Variants in MYT1 observed in about 807,000 individuals in gnomAD.
MYT1 encodes the protein myelin transcription factor 1, also known as myelin transcription factor I.
In MYT1, 23 loss-of-function variants were observed where a neutral mutation model predicts 123.0. The ratio of observed to expected loss-of-function variants is 0.19; its 90% confidence interval spans 0.13 to 0.26. The LOEUF (loss-of-function observed/expected upper bound fraction) is 0.26, where lower values mean the gene tolerates loss of function less well. Among genes scored for constraint, MYT1 ranks in the 10% least tolerant of loss-of-function variants. MYT1 has a pLI of 1.00. For synonymous variants in MYT1, 518 were observed against 575.3 expected (o/e 0.90, Z 1.43); for missense variants, 1,125 against 1,472.5 (o/e 0.76, Z 3.86).
chr20:64,197,040 C>T (rs1372167878), intron 2 of MYT1, among the ~76,000 whole-genome samples: 2 of 152,200 alleles, frequency 1.3e-5, no homozygotes, highest in Non-Finnish European at 2.9e-5. Context: ...CCCTGTGACA[C>T]CTGCTCCTCT....
rs915470582 is a variant in MYT1 at position 64,238,927 on chromosome 20, C to T, written c.3094-833C>T. ...GGCAAAGGCAAAGGGAAGGCAGGTC[C>T]CTATCCCCCATGCAACCCTTTCAAA... On this transcript the variant is annotated intron_variant, in intron 21 of 22. Coordinates refer to ENST00000328439, the MANE Select transcript of MYT1 (RefSeq NM_004535.3). 3.3e-5 allele frequency among the ~76,000 whole-genome samples: 5 copies of T among 152,232 alleles called. No homozygotes were observed. In the East Asian group the frequency reaches 7.7e-4, roughly 23 times the overall value.
intron 1 of MYT1, among the ~76,000 whole-genome samples, chr20:64,184,246 G>T (rs570768574): frequency 3.9e-5 from 6 of 152,078 alleles, no homozygotes; most frequent in Admixed American, 6.5e-5. Flanking sequence ...GAGTCGGAAA[G>T]ATTTACCGCG....
In MYT1 at chr20:64,240,380, A is replaced by T. The variant is rs748499906; in HGVS notation, c.3298A>T (p.Asn1100Tyr). ...GAGCACCCTCACCGACATGTACTCC[A>T]ACCAGGACCCGGAGAACAAGGACCT... ...YVSTLTDMYS[N>Y]QDPENKDLLE... Residue 1100 changes from asparagine (N) to tyrosine (Y), a missense_variant, in exon 23 of 23, where the codon AAC (asparagine) becomes TAC (tyrosine). Physicochemically the swap from Asn to Tyr is moderately radical, Grantham distance 143 (BLOSUM62 -2). Around this residue, in one of 4 missense-constraint regions of MYT1, gnomAD observed 243 missense variants for 323.1 expected, o/e 0.75. Transcript: ENST00000328439. 6.8e-6 allele frequency: 11 copies of T among 1,614,082 alleles called. No individual in the cohort carries two copies. The highest frequency in any genetic ancestry group is 8.5e-6 in the Non-Finnish European group (10 of 1,180,022).
At chr20:64,170,864 TATATATATATATATATATATAGAGAG>T (rs1982235478) in intron 1 of MYT1, among the ~76,000 whole-genome samples, 1 of 54,332 alleles carries the variant, frequency 1.8e-5, no homozygotes, top group Non-Finnish European at 3.3e-5. Context: ...TATATATATA[TATATATATATATATATATATAGAGAG>T]AGAGAGAGAG....
chr20:64,234,069 C>G (rs1264163849), intron 19 of MYT1, among the ~76,000 whole-genome samples: 2 of 152,194 alleles, frequency 1.3e-5, no homozygotes, highest in Non-Finnish European at 2.9e-5. Flanking sequence ...CTACTGCAGC[C>G]GGGGTCAGTT....
At chr20:64,224,374 C>T (rs1382427549) in intron 16 of MYT1, among the ~76,000 whole-genome samples, 2 of 152,178 alleles carry the variant, frequency 1.3e-5, no homozygotes, top group Non-Finnish European at 2.9e-5. Context: ...CTTCTAGGGA[C>T]CTTGGCTGGC....
At chr20:64,230,239 A>G (rs940546567) in intron 18 of MYT1, among the ~76,000 whole-genome samples, 60 of 152,240 alleles carry the variant, frequency 3.9e-4, no homozygotes, top group African/African-American at 1.4e-3. Context: ...TGGGCCGGGC[A>G]CTGTGGCTCA....
intron 21 of MYT1, among the ~76,000 whole-genome samples, chr20:64,238,111 GAA>G (rs11471444): frequency 4.0e-5 from 6 of 148,926 alleles, no homozygotes; most frequent in Admixed American, 4.0e-4. Context: ...TTTGTAATCA[GAA>G]AAAAAAAAGC....
intron 6 of MYT1, 37 bp from the exon 7 acceptor site, chr20:64,207,557 G>A (rs767377465): frequency 6.3e-7 from 1 of 1,589,014 alleles, no homozygotes; most frequent in African/African-American, 1.3e-5. Flanking sequence ...CTTCCCACGT[G>A]CTCTCTGGCC....
chr20:64,170,933 A>G (rs1468504824), intron 1 of MYT1, among the ~76,000 whole-genome samples: 3 of 129,796 alleles, frequency 2.3e-5, no homozygotes, highest in African/African-American at 8.9e-5. Context: ...AGAGAGAGAG[A>G]GACGGAGTCT....
chr20:64,219,229 C>G (rs1030156067), intron 12 of MYT1, among the ~76,000 whole-genome samples, 194 bp downstream of exon 12: 1 of 152,226 alleles, frequency 6.6e-6, no homozygotes, highest in Non-Finnish European at 1.5e-5. Context: ...ACCAGGAGAA[C>G]CTGGTGTGCT....
intron 12 of MYT1, 55 bp downstream of exon 12, chr20:64,219,090 C>G: frequency 6.5e-7 from 1 of 1,547,344 alleles, no homozygotes; most frequent in Admixed American, 1.9e-5. Context: ...GTGGAATTTG[C>G]AGTCAGGCCC....
Position 64,208,580 on chromosome 20 carries a change from G to A in MYT1, c.1291+93G>A, listed in dbSNP as rs1468809986. The A allele has an allele frequency of 6.8e-7, 1 of 1,473,716 alleles. No homozygotes were observed. The highest frequency in any genetic ancestry group is 1.4e-5 in the African/African-American group (1 of 70,478). The allele number at this position is 1,473,716 out of a possible 1,614,324, so 91.3% of individuals were successfully genotyped here. On this transcript the variant is annotated intron_variant, in intron 7 of 22. Coordinates refer to ENST00000328439, the MANE Select transcript of MYT1 (RefSeq NM_004535.3). The surrounding 1 kb of genome is among the most constrained non-coding windows in gnomAD (Gnocchi z 5.4). ...AGGCTGAGAGCCCTTCTAGGACAGG[G>A]GGCTGGGGGATGGCAGAAAAGCAGA...
rs976803422 is a variant in MYT1 at position 64,166,644 on chromosome 20, G to T, written c.-99+1905G>T. On this transcript the variant is annotated intron_variant, in intron 1 of 22. Transcript: ENST00000328439. This position sits in a 1 kb window ranked among gnomAD's most constrained non-coding sequence, Gnocchi z 4.9. ...CACAGATCTGGAGGTAGCCTCAGTT[G>T]TTCAGAGCTAATGCTCTGGCCCCTC... Among the ~76,000 whole-genome samples, 1 of 152,182 alleles carries T rather than the reference G, an allele frequency of 6.6e-6. No individual in the cohort carries two copies. The highest frequency in any genetic ancestry group is 2.4e-5 in the African/African-American group (1 of 41,434).
intron 1 of MYT1, among the ~76,000 whole-genome samples, chr20:64,183,268 C>T (rs898719839): frequency 1.3e-5 from 2 of 152,194 alleles, no homozygotes; most frequent in African/African-American, 2.4e-5. Flanking sequence ...TTCGTATCAC[C>T]CATTCAGCAG....
At position 64,227,917 on chromosome 20, in the gene MYT1, G is replaced by T; in HGVS notation, c.2621G>T (p.Ser874Ile). The T allele has an allele frequency of 6.2e-7, 1 of 1,614,024 alleles. No homozygotes were observed. Among genetic ancestry groups the T allele is most frequent in the African/African-American group, 1.3e-5 (1 of 75,052 alleles). The change falls in exon 18 of 23, where the codon AGT becomes ATT. Residue 874 changes from serine to isoleucine, a missense_variant. This residue lies in a region of MYT1 where 243 missense variants were observed against 323.1 expected (regional missense o/e 0.75). Coordinates refer to ENST00000328439, the MANE Select transcript of MYT1 (RefSeq NM_004535.3). ...TCCGGCTGCCCTCGTGCAAAGAAAA[G>T]TGGAGTCAAGGTGGCACCCACCAAG... ...SLSGCPRAKK[S>I]GVKVAPTKDD...
rs950586219 is a variant in MYT1 at position 64,186,644 on chromosome 20, T to A, written c.-98-3419T>A. On this transcript the variant is annotated intron_variant, in intron 1 of 22. Coordinates refer to ENST00000328439, the MANE Select transcript of MYT1 (RefSeq NM_004535.3). This position sits in a 1 kb window ranked among gnomAD's most constrained non-coding sequence, Gnocchi z 4.3. ...CTGCTCAGGTCTGAGTTGGTGGCAG[T>A]GCCCTGTGTGAGCTTTGGGGACCCT... Among the ~76,000 whole-genome samples, 1 of 152,290 alleles carries A rather than the reference T, an allele frequency of 6.6e-6. No individual in the cohort carries two copies. The highest frequency in any genetic ancestry group is 2.4e-5 in the African/African-American group (1 of 41,482).
chr20:64,236,527 G>A (rs768205243), intron 19 of MYT1, 28 bp from the exon 20 acceptor site: 1 of 1,599,054 alleles, frequency 6.3e-7, no homozygotes, highest in Non-Finnish European at 8.6e-7. Context: ...CCCTGGGCTG[G>A]TGAATGATAT....
Position 64,207,634 on chromosome 20 carries a change from C to G in MYT1, c.438C>G (p.Ile146Met). Residue 146 changes from isoleucine (I) to methionine (M), a missense_variant, in exon 7 of 23, where the codon ATC (isoleucine) becomes ATG (methionine). Coordinates refer to ENST00000328439, the MANE Select transcript of MYT1 (RefSeq NM_004535.3). The part of the protein sequence containing the change: ...PVKSHFGSNP[I>M]GSATASSKGS... ...AGTCCCATTTTGGATCCAACCCCAT[C>G]GGCAGCGCCACTGCCTCCTCCAAGG... The G allele has an allele frequency of 7.4e-6, 12 of 1,613,854 alleles. No individual in the cohort carries two copies. The highest frequency in any genetic ancestry group is 1.0e-5 in the Non-Finnish European group (12 of 1,179,988).
Sources: gnomAD v4.1 joint callset for allele counts (sites outside exome capture counted in the v4.1 genomes callset) on GRCh38, gnomAD v4.1.1 for gene constraint, gnomAD v4.1.1 regional missense constraint, Gnocchi (gnomAD v3.1) non-coding constraint, MANE v1.5 for transcripts, NCBI Gene and HGNC (gene_info 2026-07-23, HGNC 2026-07-21) for gene names.